OPA3: variants seen among roughly 807,000 people sequenced by gnomAD.
OPA3 encodes the protein optic atrophy 3 protein.
Under a neutral mutation model 4.0 loss-of-function variants are expected in OPA3, and 6 were observed. That is an observed-to-expected ratio of 1.51 (90% CI 0.83 to 2.99). OPA3 has a LOEUF of 2.99. Among genes scored for constraint, OPA3 ranks in the 30% most tolerant of loss-of-function variants. The probability of loss-of-function intolerance (pLI) is 0.00; values close to 1 mark genes in which losing one functional copy is unlikely to be tolerated. For synonymous variants in OPA3, 105 were observed against 117.1 expected, an observed-to-expected ratio of 0.90 and a Z score of 0.67; for missense variants, 235 against 256.2, an observed-to-expected ratio of 0.92 and a Z score of 0.56.
intron 1 of OPA3, among the ~76,000 whole-genome samples, chr19:45,578,369 T>C (rs929528385): frequency 6.6e-6 from 1 of 152,080 alleles, no homozygotes; most frequent in Admixed American, 6.6e-5. Flanking sequence ...CCCACCCAGA[T>C]CAAAAAATTG....
rs886731392 is a variant in OPA3, at chr19:45,547,047, T to C, written c.*6467A>G. The C allele has an allele frequency of 6.6e-6, 1 of 152,216 alleles. No homozygotes were observed. Among genetic ancestry groups the C allele is most frequent in the African/African-American group, 2.4e-5 (1 of 41,420 alleles). The allele number at this position is 152,216 out of a possible 1,614,324, so 9.4% of individuals were successfully genotyped here. On this transcript the variant is annotated 3_prime_UTR_variant, in exon 2 of 2. Coordinates refer to ENST00000263275, the MANE Select transcript of OPA3 (RefSeq NM_025136.4). ...GAGATCTGCGCGCAGTGGGGGTTAC[T>C]GCTGAGCACTGGGGTCATTTCCTAT... is the stretch of plus-strand genomic sequence containing the variant.
intron 1 of OPA3, among the ~76,000 whole-genome samples, chr19:45,572,465 T>C (rs994194344): frequency 1.2e-4 from 15 of 129,782 alleles, no homozygotes; most frequent in Admixed American, 4.1e-4. Flanking sequence ...ATATATCATA[T>C]ATCATATAAT....
At chr19:45,580,600 C>CTGCTTATT (rs1969839888) in intron 1 of OPA3, among the ~76,000 whole-genome samples, 1 of 137,612 alleles carries the variant, frequency 7.3e-6, no homozygotes, top group Admixed American at 7.4e-5. Flanking sequence ...GCACAGAAGC[C>CTGCTTATT]TATTTATTTA....
At chr19:45,528,669 T>C in exon 2 of OPA3, 1 of 216,224 alleles carries the variant, frequency 4.6e-6, no homozygotes, top group Non-Finnish European at 9.2e-6. Flanking sequence ...GAATGAGAGG[T>C]GGCTAAATCC....
intron 1 of OPA3, among the ~76,000 whole-genome samples, chr19:45,561,105 G>A (rs1053499241): frequency 1.3e-5 from 2 of 152,130 alleles, no homozygotes; most frequent in African/African-American, 2.4e-5. Flanking sequence ...AGGCCGAGGT[G>A]GGTGGATCAC....
chr19:45,535,142 G>A (rs945855875), intron 1 of OPA3, among the ~76,000 whole-genome samples: 5 of 152,188 alleles, frequency 3.3e-5, no homozygotes, highest in African/African-American at 1.2e-4. Flanking sequence ...CATGAACATG[G>A]TATTCTCTTC....
chr19:45,563,891 T>C (rs905758859), intron 1 of OPA3, among the ~76,000 whole-genome samples: 2 of 150,986 alleles, frequency 1.3e-5, no homozygotes, highest in African/African-American at 4.9e-5. Context: ...GATTTTGTCA[T>C]GTTGCCCAGG....
chr19:45,554,033 A>G (rs1969384639), intron 1 of OPA3, 122 bp from the exon 2 acceptor site: 1 of 750,328 alleles, frequency 1.3e-6, no homozygotes. Context: ...AGACCAGATG[A>G]TTCTAGCGAG....
rs779005079 is a variant in OPA3, at chr19:45,546,368, CAT to C, written c.*7144_*7145del. 146 of 656,748 alleles carry C rather than the reference CAT, an allele frequency of 2.2e-4. No individual in the cohort carries two copies. Among genetic ancestry groups the C allele is most frequent in the Non-Finnish European group, 2.6e-4 (139 of 530,902 alleles). 40.7% of individuals were successfully genotyped at this position (656,748 alleles called of 1,614,324 possible). A position where few individuals can be genotyped will look rare whatever the true frequency, so the allele number is the denominator to read the frequency against. ...ATATAATAGATGATGTTATGTTACA[CAT>C]GACATAAAATATATATTTTATATTC... On this transcript the variant is annotated 3_prime_UTR_variant, in exon 2 of 2. Coordinates refer to ENST00000263275, the MANE Select transcript of OPA3 (RefSeq NM_025136.4).
chr19:45,541,005 C>G (rs1969180027), intron 1 of OPA3, among the ~76,000 whole-genome samples: 1 of 152,072 alleles, frequency 6.6e-6, no homozygotes, highest in South Asian at 2.1e-4. Flanking sequence ...CATCTAAACC[C>G]CTCTGTTGCA....
intron 1 of OPA3, among the ~76,000 whole-genome samples, chr19:45,537,409 A>AAAAAAAAAACAAG (rs1969131921): frequency 1.4e-5 from 2 of 145,980 alleles, no homozygotes; most frequent in Admixed American, 1.4e-4. Flanking sequence ...AAAAAAAAAA[A>AAAAAAAAAACAAG]AAAAAAAAAA....
chr19:45,550,354 G>A lies in OPA3; in HGVS notation c.*3160C>T. 1.0e-6 allele frequency: 1 copy of A among 984,950 alleles called. No individual in the cohort carries two copies. The highest frequency in any genetic ancestry group is 1.2e-6 in the Non-Finnish European group (1 of 829,946). 61.0% of individuals were successfully genotyped at this position (984,950 alleles called of 1,614,324 possible). Reference sequence around the variant, plus strand: ...CCCAAAAGCGGGCCCAGGTGGAATGGTCACCCAGTTTACACAATGCTATGA... The same window carrying A: ...CCCAAAAGCGGGCCCAGGTGGAATGATCACCCAGTTTACACAATGCTATGA... On this transcript the variant is annotated 3_prime_UTR_variant, in exon 2 of 2. Coordinates refer to ENST00000263275, the MANE Select transcript of OPA3 (RefSeq NM_025136.4).
intron 1 of OPA3, among the ~76,000 whole-genome samples, chr19:45,565,571 G>A (rs1568406472): frequency 6.6e-6 from 1 of 152,124 alleles, no homozygotes; most frequent in Admixed American, 6.5e-5. Flanking sequence ...CGGAGGTTGT[G>A]GTGAGCTGAG....
chr19:45,543,518 C>T (rs1049372259), downstream of OPA3, among the ~76,000 whole-genome samples: 27 of 151,924 alleles, frequency 1.8e-4, no homozygotes, highest in Admixed American at 1.8e-3. Context: ...AGTTTCACCA[C>T]GTTGGTCAGG....
chr19:45,579,642 T>C (rs531517087), intron 1 of OPA3, among the ~76,000 whole-genome samples: 2 of 152,308 alleles, frequency 1.3e-5, no homozygotes, highest in South Asian at 4.1e-4. Context: ...CATGACCCTA[T>C]GCCAGGCACT....
At chr19:45,530,229 C>T (rs73568950) in intron 1 of OPA3, among the ~76,000 whole-genome samples, 20,096 of 152,082 alleles carry the variant, frequency 0.13, 1,402 homozygotes, top group South Asian at 0.24. Flanking sequence ...TAGCGCGTGC[C>T]TCTAATACCA....
chr19:45,561,309 G>A (rs1440286178), intron 1 of OPA3, among the ~76,000 whole-genome samples: 1 of 152,058 alleles, frequency 6.6e-6, no homozygotes, highest in East Asian at 1.9e-4. Flanking sequence ...CTCCAGCCTG[G>A]GCAACAAGAG....
At chr19:45,579,608 T>C (rs1001676991) in intron 1 of OPA3, among the ~76,000 whole-genome samples, 3 of 152,164 alleles carry the variant, frequency 2.0e-5, no homozygotes, top group Non-Finnish European at 2.9e-5. Context: ...CTGCCTGTTG[T>C]ATCTATAACA....
Position 45,549,203 on chromosome 19 carries a change from A to G in OPA3, c.*4311T>C. ...AACCCCTCTCCCCAAATTACAAGGT[A>G]CACAGAATTCTAGCTAGCAGAACAC... On this transcript the variant is annotated 3_prime_UTR_variant, in exon 2 of 2. Coordinates refer to ENST00000263275, the MANE Select transcript of OPA3 (RefSeq NM_025136.4). The G allele has an allele frequency of 1.0e-6, 1 of 985,404 alleles. No individual in the cohort carries two copies. Among genetic ancestry groups the G allele is most frequent in the Non-Finnish European group, 1.2e-6 (1 of 829,918 alleles). The allele number at this position is 985,404 out of a possible 1,614,324, so 61.0% of individuals were successfully genotyped here.
Sources: allele counts gnomAD v4.1 joint callset (sites outside exome capture counted in the v4.1 genomes callset), GRCh38; gene constraint gnomAD v4.1.1; transcripts MANE v1.5; gene names NCBI Gene and HGNC (gene_info 2026-07-23, HGNC 2026-07-21).